Variants in CLSTN2 observed in about 807,000 individuals in gnomAD.
The protein encoded by CLSTN2 is calsyntenin-2.
A neutral mutation model predicts 101.2 loss-of-function variants in CLSTN2; 48 were observed. The observed-to-expected ratio is 0.47, with a 90% CI of 0.38 to 0.60. The LOEUF is 0.60. Among genes scored for constraint, CLSTN2 ranks in the 20% least tolerant of loss-of-function variants. CLSTN2 has a pLI of 0.00. For missense variants in CLSTN2, 1,160 were observed against 1,238.2 expected (o/e 0.94, Z 0.95); for synonymous variants, 481 against 463.6 (o/e 1.04, Z -0.48).
intron 7 of CLSTN2, among the ~76,000 whole-genome samples, chr3:140,462,250 A>C (rs1005556801): frequency 1.3e-5 from 2 of 152,162 alleles, no homozygotes; most frequent in African/African-American, 4.8e-5. Context: ...TCATTTCTCC[A>C]TGTGATAAAA....
chr3:140,224,485 G>T (rs376706851), intron 2 of CLSTN2, among the ~76,000 whole-genome samples: 10 of 152,190 alleles, frequency 6.6e-5, no homozygotes, highest in African/African-American at 2.4e-4. Context: ...AGCCCTGCCA[G>T]CATGGAGTTT....
Position 140,564,140 on chromosome 3 carries a change from A to C in CLSTN2, c.2662A>C (p.Met888Leu). ...DSALTITVNPMEKHEGPGHGE... is the reference protein window; with the variant it reads ...DSALTITVNPLEKHEGPGHGE... ...TGCGCTGACTATCACAGTCAACCCC[A>C]TGGAGGTGATCCTCATGCACGGCTG... The change falls in exon 16 of 17, where the codon ATG becomes CTG. Residue 888 changes from methionine to leucine, a missense_variant. By Grantham distance (15) the Met-to-Leu change is conservative. Coordinates refer to ENST00000458420, the MANE Select transcript of CLSTN2 (RefSeq NM_022131.3). 6.2e-7 allele frequency: 1 copy of C among 1,613,698 alleles called. No homozygotes were observed.
chr3:140,220,746 A>G (rs2086263171), intron 2 of CLSTN2, among the ~76,000 whole-genome samples: 1 of 152,256 alleles, frequency 6.6e-6, no homozygotes, highest in African/African-American at 2.4e-5. Flanking sequence ...GTGAAGAGAA[A>G]GAACAGAACA....
chr3:140,225,678 A>G (rs974899926), intron 2 of CLSTN2, among the ~76,000 whole-genome samples: 2 of 152,008 alleles, frequency 1.3e-5, no homozygotes, highest in African/African-American at 4.8e-5. Flanking sequence ...TTATATTCTT[A>G]GTAGAGATGG....
intron 2 of CLSTN2, among the ~76,000 whole-genome samples, chr3:140,239,774 A>T (rs2086444039): frequency 6.6e-6 from 1 of 152,264 alleles, no homozygotes; most frequent in Non-Finnish European, 1.5e-5. Context: ...GACTATAGCC[A>T]GGCCAGAGAT....
At chr3:139,960,194 C>T (rs549844945) in intron 1 of CLSTN2, among the ~76,000 whole-genome samples, 22 of 152,320 alleles carry the variant, frequency 1.4e-4, no homozygotes, top group Admixed American at 1.4e-3. Context: ...TTTCAAGTTA[C>T]CAATGCGATA....
At chr3:140,494,785 A>C (rs990036228) in intron 8 of CLSTN2, among the ~76,000 whole-genome samples, 12 of 152,176 alleles carry the variant, frequency 7.9e-5, no homozygotes, top group African/African-American at 9.7e-5. Context: ...CCTGCAAAGG[A>C]CATGCTCTCA....
At chr3:140,539,053 A>G (rs1935416437) in intron 9 of CLSTN2, among the ~76,000 whole-genome samples, 1 of 152,204 alleles carries the variant, frequency 6.6e-6, no homozygotes, top group Non-Finnish European at 1.5e-5. Context: ...TATTAGGTCA[A>G]GAGTTTGCAG....
intron 2 of CLSTN2, among the ~76,000 whole-genome samples, chr3:140,185,593 A>C (rs908758328): frequency 2.6e-5 from 4 of 152,130 alleles, no homozygotes; most frequent in Non-Finnish European, 2.9e-5. Flanking sequence ...CCAAGCTGCA[A>C]CCTAACTTGC....
At chr3:140,050,227 A>T (rs2007964433) in intron 1 of CLSTN2, among the ~76,000 whole-genome samples, 1 of 152,172 alleles carries the variant, frequency 6.6e-6, no homozygotes. Flanking sequence ...CTCACCTGGG[A>T]ACAGGGGTCA....
At chr3:140,077,106 A>G (rs982622791) in intron 1 of CLSTN2, among the ~76,000 whole-genome samples, 3 of 152,238 alleles carry the variant, frequency 2.0e-5, no homozygotes, top group Non-Finnish European at 4.4e-5. Flanking sequence ...TGAAATGGAA[A>G]GCATGTAGAA....
chr3:140,335,071 C>T (rs1285084769), intron 2 of CLSTN2, among the ~76,000 whole-genome samples: 1 of 152,298 alleles, frequency 6.6e-6, no homozygotes, highest in South Asian at 2.1e-4. Flanking sequence ...CCTGGCCAGA[C>T]ATTTCTTTGG....
chr3:140,074,776 A>G (rs993192956), intron 1 of CLSTN2, among the ~76,000 whole-genome samples: 1 of 152,188 alleles, frequency 6.6e-6, no homozygotes, highest in Non-Finnish European at 1.5e-5. Context: ...TATGAGATGC[A>G]GTCTTCTTTC....
At chr3:140,211,324 G>A (rs1576468648) in intron 2 of CLSTN2, among the ~76,000 whole-genome samples, 1 of 149,324 alleles carries the variant, frequency 6.7e-6, no homozygotes, top group East Asian at 2.1e-4. Context: ...GCAGGGATGA[G>A]TAATCAGTTC....
rs568450437 is a variant in CLSTN2 at position 140,145,072 on chromosome 3, T to A, written c.110-30879T>A. On this transcript the variant is annotated intron_variant, in intron 1 of 16. Transcript: ENST00000458420. ...TTGATTAACGGATTATTCCCCATAC[T>A]GTGATTTCTTTTAAATCAGAGGACA... Among the ~76,000 whole-genome samples, 143 of 152,376 alleles carry A rather than the reference T, an allele frequency of 9.4e-4. 1 individual carries two copies. The highest frequency in any genetic ancestry group is 3.4e-3 in the African/African-American group (140 of 41,586).
At chr3:140,053,621 C>T (rs1215921303) in intron 1 of CLSTN2, among the ~76,000 whole-genome samples, 1 of 152,200 alleles carries the variant, frequency 6.6e-6, no homozygotes, top group East Asian at 1.9e-4. Flanking sequence ...TCACGTTTGA[C>T]TGTCTGCTCT....
intron 2 of CLSTN2, among the ~76,000 whole-genome samples, chr3:140,372,231 G>A (rs1197610777): frequency 6.6e-6 from 1 of 152,146 alleles, no homozygotes; most frequent in East Asian, 1.9e-4. Context: ...AGCATCTTGA[G>A]ATGGCCTCCT....
chr3:140,206,053 A>T (rs895730454), intron 2 of CLSTN2, among the ~76,000 whole-genome samples: 6 of 152,248 alleles, frequency 3.9e-5, no homozygotes, highest in Non-Finnish European at 4.4e-5. Context: ...TCATTAAAAA[A>T]AGAAAGGAAA....
chr3:140,244,669 C>T (rs2086499653), intron 2 of CLSTN2, among the ~76,000 whole-genome samples: 1 of 152,098 alleles, frequency 6.6e-6, no homozygotes, highest in Non-Finnish European at 1.5e-5. Context: ...CTCTCCAAGA[C>T]CAAGGCCTCA....
Sources: gnomAD v4.1 joint callset for allele counts (sites outside exome capture counted in the v4.1 genomes callset) on GRCh38, gnomAD v4.1.1 for gene constraint, MANE v1.5 for transcripts, NCBI Gene and HGNC (gene_info 2026-07-23, HGNC 2026-07-21) for gene names.